The following SIL1 variants were observed in gnomAD, a reference collection of about 807,000 sequenced individuals.
The protein encoded by SIL1 is SIL1 nucleotide exchange factor.
A neutral mutation model predicts 49.1 loss-of-function variants in SIL1; 40 were observed. That is an observed-to-expected ratio of 0.81 (90% CI 0.63 to 1.06). The LOEUF is 1.06. Ranked by LOEUF, SIL1 falls within the 50% of genes least tolerant of loss-of-function variation. SIL1 has a pLI of 0.00. For missense variants in SIL1, 500 were observed against 572.6 expected (o/e 0.87, Z 1.29); for synonymous variants, 253 against 250.8 (o/e 1.01, Z -0.08).
intron 1 of SIL1, among the ~76,000 whole-genome samples, chr5:139,152,360 C>T (rs1751319702): frequency 6.6e-6 from 1 of 152,046 alleles, no homozygotes; most frequent in Non-Finnish European, 1.5e-5. Context: ...GTGGCTCACA[C>T]CTGTAATCCC....
chr5:139,072,336 T>C (rs762746601), intron 3 of SIL1, among the ~76,000 whole-genome samples: 2 of 152,096 alleles, frequency 1.3e-5, no homozygotes, highest in African/African-American at 2.4e-5. Context: ...TCCTGCGAAA[T>C]AGAGATGAAT....
At chr5:139,148,934 C>T (rs767467085) in intron 1 of SIL1, among the ~76,000 whole-genome samples, 1 of 152,194 alleles carries the variant, frequency 6.6e-6, no homozygotes, top group Non-Finnish European at 1.5e-5. Flanking sequence ...CCTCTTATGG[C>T]AGCTCTCCTT....
At chr5:139,026,710 G>T in intron 6 of SIL1, 91 bp downstream of exon 6, 1 of 1,126,462 alleles carries the variant, frequency 8.9e-7, no homozygotes, top group East Asian at 2.4e-5. Flanking sequence ...GAGAAGTAAA[G>T]ATGTTGATGC....
At chr5:139,062,483 G>A (rs11738376) in intron 3 of SIL1, among the ~76,000 whole-genome samples, 39,603 of 151,870 alleles carry the variant, frequency 0.26, 6,078 homozygotes, top group Middle Eastern at 0.41. Context: ...AAAAAAAGAC[G>A]CCAGTTTCCC....
chr5:139,192,997 C>CAAA (rs60150903), intron 1 of SIL1, among the ~76,000 whole-genome samples: 7 of 78,998 alleles, frequency 8.9e-5, no homozygotes, highest in African/African-American at 2.9e-4. Flanking sequence ...AACTCAGTCT[C>CAAA]AAAAAAAAAA....
chr5:139,006,893 T>G (rs1302366304), intron 7 of SIL1, among the ~76,000 whole-genome samples: 1 of 148,394 alleles, frequency 6.7e-6, no homozygotes, highest in Non-Finnish European at 1.5e-5. Context: ...TCAGGTAGTG[T>G]GATGCCTCCA....
At chr5:139,047,478 G>C (rs1769191294) in intron 4 of SIL1, among the ~76,000 whole-genome samples, 1 of 152,228 alleles carries the variant, frequency 6.6e-6, no homozygotes. Flanking sequence ...ATGAATTTTG[G>C]ATTAATGGGC....
At chr5:139,069,890 T>C (rs2150472111) in intron 3 of SIL1, among the ~76,000 whole-genome samples, 1 of 152,246 alleles carries the variant, frequency 6.6e-6, no homozygotes, top group South Asian at 2.1e-4. Flanking sequence ...TTTTATATCC[T>C]ACCAAAGTGC....
At chr5:139,056,416 G>T (rs890345416) in intron 3 of SIL1, among the ~76,000 whole-genome samples, 1 of 151,590 alleles carries the variant, frequency 6.6e-6, no homozygotes, top group East Asian at 2.0e-4. Flanking sequence ...ACTGAGAAGT[G>T]AGGAGCCCCT....
chr5:139,019,673 G>A (rs991631495), intron 7 of SIL1, among the ~76,000 whole-genome samples: 9 of 152,134 alleles, frequency 5.9e-5, no homozygotes, highest in African/African-American at 1.9e-4. Context: ...TGTTTCTCAA[G>A]TCACTTAATT....
At chr5:138,975,897 A>C (rs1404505707) in intron 7 of SIL1, among the ~76,000 whole-genome samples, 1 of 152,238 alleles carries the variant, frequency 6.6e-6, no homozygotes, top group African/African-American at 2.4e-5. Flanking sequence ...TGACCCAAAG[A>C]AACAGAAAAA....
At chr5:139,190,135 G>T (rs573790013) in intron 1 of SIL1, among the ~76,000 whole-genome samples, 1 of 152,288 alleles carries the variant, frequency 6.6e-6, no homozygotes, top group East Asian at 1.9e-4. Context: ...AAATACAAGT[G>T]AGTCTGACTC....
intron 7 of SIL1, among the ~76,000 whole-genome samples, chr5:139,019,979 C>T (rs1347062776): frequency 2.6e-5 from 4 of 152,170 alleles, no homozygotes; most frequent in Non-Finnish European, 5.9e-5. Flanking sequence ...TGACTGAAAC[C>T]GCAGATACTA....
chr5:138,967,887 A>G (rs1767179015), intron 7 of SIL1, among the ~76,000 whole-genome samples: 1 of 152,090 alleles, frequency 6.6e-6, no homozygotes, highest in East Asian at 1.9e-4. Flanking sequence ...GAATGAGGAG[A>G]AACTTGTGGA....
At position 139,063,093 on chromosome 5, in the gene SIL1, A is replaced by G. The variant is rs542971061; in HGVS notation, c.245-12047T>C. On this transcript the variant is annotated intron_variant, in intron 3 of 9. Transcript: ENST00000394817. ...CAGGCAGACAAGAAGCAGGGAGGCC[A>G]CTTGGCAGGCTGTTATCATTGTCCT... Among the ~76,000 whole-genome samples the G allele has an allele frequency of 7.4e-4, 112 of 152,368 alleles. 1 individual carries two copies. Among genetic ancestry groups the G allele is most frequent in the African/African-American group, 2.5e-3 (106 of 41,586 alleles).
chr5:139,003,876 T>C (rs897746043), intron 7 of SIL1, among the ~76,000 whole-genome samples: 4 of 152,174 alleles, frequency 2.6e-5, no homozygotes, highest in African/African-American at 9.7e-5. Context: ...AACAGGACCT[T>C]AATGAGAAAA....
At chr5:139,093,138 C>T (rs546479413) in intron 3 of SIL1, among the ~76,000 whole-genome samples, 5 of 152,276 alleles carry the variant, frequency 3.3e-5, no homozygotes, top group South Asian at 2.1e-4. Context: ...TGTTCCCCCC[C>T]ACAAAAGGCA....
chr5:139,114,074 C>T (rs996351602), intron 3 of SIL1, among the ~76,000 whole-genome samples: 15 of 152,238 alleles, frequency 9.9e-5, no homozygotes, highest in African/African-American at 3.6e-4. Context: ...TCCATCACCA[C>T]CCAAATGCAC....
chr5:139,005,434 TATTTA>T (rs994622362), intron 7 of SIL1, among the ~76,000 whole-genome samples: 1 of 150,928 alleles, frequency 6.6e-6, no homozygotes, highest in Non-Finnish European at 1.5e-5. Flanking sequence ...TTTATTTATT[TATTTA>T]TTTATTTTTT....
Sources: gnomAD v4.1 joint callset for allele counts (sites outside exome capture counted in the v4.1 genomes callset) on GRCh38, gnomAD v4.1.1 for gene constraint, MANE v1.5 for transcripts, NCBI Gene and HGNC (gene_info 2026-07-23, HGNC 2026-07-21) for gene names.